CFAP221: variants seen among roughly 807,000 people sequenced by gnomAD.
CFAP221 encodes the protein cilia and flagella associated protein 221.
A neutral mutation model predicts 113.1 loss-of-function variants in CFAP221; 97 were observed. The observed-to-expected ratio is 0.86, with a 90% CI of 0.73 to 1.02. The LOEUF (loss-of-function observed/expected upper bound fraction) is 1.02, where lower values mean the gene tolerates loss of function less well. Among genes scored for constraint, CFAP221 ranks in the 50% least tolerant of loss-of-function variants. The pLI is 0.00. For synonymous variants in CFAP221, 331 were observed against 354.4 expected (o/e 0.93, Z 0.74); for missense variants, 1,025 against 1,013.4 (o/e 1.01, Z -0.16).
At chr2:119,599,140 A>G in intron 7 of CFAP221, among the ~76,000 whole-genome samples, 1 of 152,190 alleles carries the variant, frequency 6.6e-6, no homozygotes, top group East Asian at 1.9e-4. Flanking sequence ...AGTGGGTATC[A>G]TTGAAAGAGT....
At position 119,601,143 on chromosome 2, in the gene CFAP221, TTG is replaced by T; in HGVS notation, c.632-65_632-64del. The T allele has an allele frequency of 6.9e-6, 9 of 1,312,256 alleles. No homozygotes were observed. In the South Asian group the frequency reaches 8.8e-5, roughly 13 times the overall value. The allele number at this position is 1,312,256 out of a possible 1,614,324, so 81.3% of individuals were successfully genotyped here. A position where few individuals can be genotyped will look rare whatever the true frequency, so the allele number is the denominator to read the frequency against. Reference sequence around the variant, plus strand: ...CACATTGTCAGAGGGTCAGCCATATTTGTGTGTGTGTCAGCATGTGACTGGAC... The same window carrying T: ...CACATTGTCAGAGGGTCAGCCATATTTGTGTGTGTCAGCATGTGACTGGAC... On this transcript the variant is annotated intron_variant, in intron 7 of 23. Coordinates refer to ENST00000413369, the MANE Select transcript of CFAP221 (RefSeq NM_001271049.2).
intron 4 of CFAP221, 66 bp downstream of exon 4, chr2:119,559,841 TG>T (rs1050054548): frequency 6.8e-7 from 1 of 1,466,578 alleles, no homozygotes; most frequent in Non-Finnish European, 9.2e-7. Flanking sequence ...CTGTGTGGGG[TG>T]GGGGGTGTGT....
intron 16 of CFAP221, 25 bp downstream of exon 16, chr2:119,627,811 G>C: frequency 6.2e-7 from 1 of 1,612,032 alleles, no homozygotes; most frequent in Non-Finnish European, 8.5e-7. Flanking sequence ...GCTTGGGGGC[G>C]GGGAGTGGAC....
rs1162958942 is a variant in CFAP221, at chr2:119,577,533, C to T, written c.528-9586C>T. ...TAATATTAGAGACCTACAAGAGGGG[C>T]TATAGTACAGCAGGTAAGAGCTCAG... On this transcript the variant is annotated intron_variant, in intron 6 of 23. Coordinates refer to ENST00000413369, the MANE Select transcript of CFAP221 (RefSeq NM_001271049.2). Among the ~76,000 whole-genome samples, 5 of 152,158 alleles carry T rather than the reference C, an allele frequency of 3.3e-5. No individual in the cohort carries two copies. In the East Asian group the frequency reaches 9.6e-4, roughly 29 times the overall value.
At chr2:119,656,298 G>A in intron 23 of CFAP221, 64 bp from the exon 24 acceptor site, 1 of 1,303,870 alleles carries the variant, frequency 7.7e-7, no homozygotes. Context: ...CTGCTGGCGG[G>A]GGGTGATTTG....
rs1364578052 is a variant in CFAP221 at position 119,639,860 on chromosome 2, A to C, written c.2213A>C (p.Glu738Ala). Residue 738 changes from glutamate (E) to alanine (A), a missense_variant, in exon 21 of 24, where the codon GAG becomes GCG. Glu to Ala is a moderately radical substitution (Grantham distance 107). Coordinates refer to ENST00000413369, the MANE Select transcript of CFAP221 (RefSeq NM_001271049.2). ...TCCCTGCCGGACCCCTCCAAGATGG[A>C]GACCACAAAGAGGTAAGCACAGCTC... ...LSSLPDPSKMETTKSCDSFNS... is the reference protein window; with the variant it reads ...LSSLPDPSKMATTKSCDSFNS... 6.2e-7 allele frequency: 1 copy of C among 1,613,818 alleles called. No individual in the cohort carries two copies. The highest frequency in any genetic ancestry group is 1.7e-5 in the Admixed American group (1 of 60,016).
intron 5 of CFAP221, 142 bp downstream of exon 5, chr2:119,560,168 G>A (rs374531697): frequency 9.7e-5 from 66 of 680,474 alleles, no homozygotes; most frequent in East Asian, 2.7e-5. Flanking sequence ...CAGGTCACCA[G>A]TGTGACTGGC....
At chr2:119,640,129 A>G (rs1687393752) in intron 21 of CFAP221, among the ~76,000 whole-genome samples, 1 of 152,068 alleles carries the variant, frequency 6.6e-6, no homozygotes, top group Admixed American at 6.6e-5. Flanking sequence ...ACCATTCCAT[A>G]TAATTCAACT....
At chr2:119,644,831 C>T (rs925288411) in intron 21 of CFAP221, among the ~76,000 whole-genome samples, 1 of 152,184 alleles carries the variant, frequency 6.6e-6, no homozygotes, top group African/African-American at 2.4e-5. Context: ...TGCTTGCTTT[C>T]CACCATTCCA....
intron 14 of CFAP221, among the ~76,000 whole-genome samples, chr2:119,624,583 C>A (rs1318513632): frequency 6.6e-6 from 1 of 152,178 alleles, no homozygotes; most frequent in African/African-American, 2.4e-5. Context: ...ATGTTTATTG[C>A]AGCACTATTC....
At chr2:119,559,797 G>C (rs1454162981) in intron 4 of CFAP221, 22 bp downstream of exon 4, 9 of 1,502,428 alleles carry the variant, frequency 6.0e-6, no homozygotes, top group African/African-American at 1.4e-5. Context: ...TGGTTTACCT[G>C]TTCTCCCACG....
chr2:119,604,530 A>C (rs1684586276), intron 8 of CFAP221, 142 bp from the exon 9 acceptor site: 2 of 702,922 alleles, frequency 2.8e-6, no homozygotes, highest in Non-Finnish European at 4.1e-6. Flanking sequence ...ATTTTAGTAG[A>C]CCACTGTTGG....
intron 6 of CFAP221, among the ~76,000 whole-genome samples, chr2:119,582,804 A>G (rs1011359212): frequency 9.2e-5 from 14 of 152,214 alleles, no homozygotes; most frequent in African/African-American, 3.4e-4. Context: ...TTAAAATTAT[A>G]GAAATGCAAT....
intron 6 of CFAP221, among the ~76,000 whole-genome samples, chr2:119,576,223 A>G (rs181395870): frequency 4.3e-4 from 65 of 152,166 alleles, no homozygotes; most frequent in Admixed American, 3.7e-3. Context: ...AGGTTCGGGG[A>G]TACATGCACA....
chr2:119,637,050 A>G lies in CFAP221; in HGVS notation c.1975-1209A>G, dbSNP rs73948912. Reference sequence around the variant, plus strand: ...TGTTGTGTACCTTTGCCCTCACACTATCCCCATAGGGTGGGCCCAGCCCCA... The same window carrying G: ...TGTTGTGTACCTTTGCCCTCACACTGTCCCCATAGGGTGGGCCCAGCCCCA... On this transcript the variant is annotated intron_variant, in intron 19 of 23. Coordinates refer to ENST00000413369, the MANE Select transcript of CFAP221 (RefSeq NM_001271049.2). Among the ~76,000 whole-genome samples the G allele has an allele frequency of 1.7e-3, 262 of 152,186 alleles. 1 individual carries two copies. The highest frequency in any genetic ancestry group is 5.9e-3 in the African/African-American group (247 of 41,556).
intron 23 of CFAP221, among the ~76,000 whole-genome samples, chr2:119,653,453 A>C (rs1389594598): frequency 6.6e-6 from 1 of 152,204 alleles, no homozygotes; most frequent in Non-Finnish European, 1.5e-5. Context: ...ATATTGTTTT[A>C]TCTTCTGCAC....
intron 6 of CFAP221, among the ~76,000 whole-genome samples, chr2:119,568,900 A>G (rs1046445368): frequency 2.0e-5 from 3 of 152,178 alleles, no homozygotes; most frequent in African/African-American, 7.2e-5. Flanking sequence ...CTGGCAACAA[A>G]TTCCCTTGGT....
chr2:119,603,855 C>G (rs973945421), intron 8 of CFAP221, among the ~76,000 whole-genome samples: 9 of 152,166 alleles, frequency 5.9e-5, no homozygotes, highest in Non-Finnish European at 1.2e-4. Flanking sequence ...GAACACAGTT[C>G]TACTGCATCT....
rs1574186940 is a variant in CFAP221, at chr2:119,630,852, C to T, written c.1925C>T (p.Pro642Leu). ...SGKTSVLSMK[P>L]PEALAMSLDY... Reference sequence around the variant, plus strand: ...AAAACATCAGTCTTGAGCATGAAACCACCTGAGGCCTTAGCCATGTCTCTA... The same window carrying T: ...AAAACATCAGTCTTGAGCATGAAACTACCTGAGGCCTTAGCCATGTCTCTA... Residue 642 changes from proline (P) to leucine (L), a missense_variant, in exon 19 of 24, where the codon CCA (proline) becomes CTA (leucine). Pro to Leu is a moderately conservative substitution (Grantham distance 98, BLOSUM62 -3). Transcript: ENST00000413369. The T allele has an allele frequency of 6.2e-7, 1 of 1,613,568 alleles. No homozygotes were observed. Among genetic ancestry groups the T allele is most frequent in the African/African-American group, 1.3e-5 (1 of 75,042 alleles).
Sources: gnomAD v4.1 joint callset for allele counts (sites outside exome capture counted in the v4.1 genomes callset) on GRCh38, gnomAD v4.1.1 for gene constraint, MANE v1.5 for transcripts, NCBI Gene and HGNC (gene_info 2026-07-23, HGNC 2026-07-21) for gene names.